CHRNA7: variants seen among roughly 807,000 people sequenced by gnomAD.
The protein encoded by CHRNA7 is cholinergic receptor nicotinic alpha 7 subunit.
In CHRNA7, 17 loss-of-function variants were observed where a neutral mutation model predicts 48.0. The ratio of observed to expected loss-of-function variants is 0.35; its 90% confidence interval spans 0.24 to 0.53. The LOEUF is 0.53. CHRNA7 is among the 20% of genes least tolerant of loss of function. The pLI, the probability that CHRNA7 is intolerant of heterozygous loss-of-function variation, is 0.92. For synonymous variants in CHRNA7, 75 were observed against 242.3 expected (o/e 0.31, Z 6.41); for missense variants, 155 against 577.7 (o/e 0.27, Z 7.50).
intron 4 of CHRNA7, among the ~76,000 whole-genome samples, chr15:32,122,931 T>TAG (rs1555384991): frequency 6.6e-6 from 1 of 150,678 alleles, no homozygotes; most frequent in African/African-American, 2.4e-5. Context: ...AGTAGCCTAG[T>TAG]AGAGGACTAC....
chr15:32,055,836 G>A (rs566842623), intron 2 of CHRNA7, among the ~76,000 whole-genome samples: 3 of 152,168 alleles, frequency 2.0e-5, no homozygotes, highest in East Asian at 3.9e-4. Flanking sequence ...AAAATTAGCC[G>A]GGCGTGGTAG....
intron 2 of CHRNA7, among the ~76,000 whole-genome samples, chr15:32,053,539 G>A (rs1479278815): frequency 6.7e-6 from 1 of 149,912 alleles, no homozygotes; most frequent in East Asian, 1.9e-4. Flanking sequence ...GTATGTACTT[G>A]GGCATATTTA....
At chr15:32,048,271 T>C (rs1403518840) in intron 2 of CHRNA7, among the ~76,000 whole-genome samples, 1 of 152,196 alleles carries the variant, frequency 6.6e-6, no homozygotes, top group Non-Finnish European at 1.5e-5. Flanking sequence ...GTACCTCTGG[T>C]AGAATTCGGC....
At chr15:32,107,926 G>A (rs950284499) in intron 3 of CHRNA7, among the ~76,000 whole-genome samples, 4 of 152,170 alleles carry the variant, frequency 2.6e-5, no homozygotes, top group Admixed American at 6.5e-5. Context: ...AAGGGGCTCT[G>A]TATGAATCAC....
intron 4 of CHRNA7, among the ~76,000 whole-genome samples, chr15:32,151,889 C>T (rs1377779254): frequency 6.6e-6 from 1 of 152,154 alleles, no homozygotes; most frequent in African/African-American, 2.4e-5. Context: ...TGAGAAATCT[C>T]AGACATGGGA....
chr15:32,122,151 G>C (rs547341290), intron 4 of CHRNA7, among the ~76,000 whole-genome samples: 1 of 152,312 alleles, frequency 6.6e-6, no homozygotes, highest in South Asian at 2.1e-4. Flanking sequence ...GTGACAAGTA[G>C]CACATGGCAA....
At chr15:32,136,893 G>T (rs531832734) in intron 4 of CHRNA7, among the ~76,000 whole-genome samples, 1 of 150,228 alleles carries the variant, frequency 6.7e-6, no homozygotes, top group Non-Finnish European at 1.5e-5. Flanking sequence ...TTAGCCGGGC[G>T]TGGTGGCGGG....
intron 4 of CHRNA7, among the ~76,000 whole-genome samples, chr15:32,134,877 A>T (rs1385732886): frequency 2.0e-5 from 3 of 152,270 alleles, no homozygotes; most frequent in Non-Finnish European, 4.4e-5. Context: ...GACACAGTTG[A>T]AGGAGCAGAG....
At chr15:32,098,265 C>T (rs28560326) in intron 2 of CHRNA7, among the ~76,000 whole-genome samples, 2,002 of 152,204 alleles carry the variant, frequency 0.013, 46 homozygotes, top group African/African-American at 0.045. Flanking sequence ...AGGGTCGGGA[C>T]GTGCTTGCCA....
intron 2 of CHRNA7, among the ~76,000 whole-genome samples, chr15:32,078,662 C>CAA (rs71113442): frequency 0.36 from 35,386 of 98,914 alleles, 5,393 homozygotes; most frequent in East Asian, 0.63. Flanking sequence ...GCCTACCAAC[C>CAA]AAAAAAAAAA....
chr15:32,115,207 C>T (rs2050848077), intron 4 of CHRNA7, among the ~76,000 whole-genome samples: 1 of 152,160 alleles, frequency 6.6e-6, no homozygotes, highest in Non-Finnish European at 1.5e-5. Flanking sequence ...CCACAGGGTG[C>T]TCTGGGGACA....
intron 4 of CHRNA7, among the ~76,000 whole-genome samples, chr15:32,127,052 C>T (rs1480049335): frequency 6.6e-6 from 1 of 152,188 alleles, no homozygotes; most frequent in East Asian, 1.9e-4. Context: ...CTTATAGCCA[C>T]ATCCCGCTTG....
chr15:32,089,257 CTATA>C (rs1301293157), intron 2 of CHRNA7, among the ~76,000 whole-genome samples: 2 of 151,990 alleles, frequency 1.3e-5, no homozygotes, highest in Non-Finnish European at 2.9e-5. Flanking sequence ...GGTGATTCAA[CTATA>C]TATGTGTTAT....
chr15:32,093,262 A>G (rs1217821535), intron 2 of CHRNA7, among the ~76,000 whole-genome samples: 1 of 152,156 alleles, frequency 6.6e-6, no homozygotes, highest in Non-Finnish European at 1.5e-5. Context: ...CTTCTCTGTT[A>G]GGGTCTGCTC....
chr15:32,062,658 C>T (rs1288489042), intron 2 of CHRNA7, among the ~76,000 whole-genome samples: 1 of 152,172 alleles, frequency 6.6e-6, no homozygotes, highest in Non-Finnish European at 1.5e-5. Context: ...TTGTCAACAG[C>T]TTTCTGACAT....
intron 4 of CHRNA7, among the ~76,000 whole-genome samples, chr15:32,139,837 A>T (rs559569936): frequency 1.3e-5 from 2 of 152,220 alleles, no homozygotes; most frequent in East Asian, 3.9e-4. Flanking sequence ...TTTGATCAGT[A>T]TATTTTTAAA....
At chr15:32,111,593 A>G (rs2050762911) in intron 3 of CHRNA7, 197 bp from the exon 4 acceptor site, 4 of 533,402 alleles carry the variant, frequency 7.5e-6, no homozygotes, top group Non-Finnish European at 1.3e-5. Flanking sequence ...CAGAACCTTA[A>G]ATGTGAGTTT....
intron 4 of CHRNA7, among the ~76,000 whole-genome samples, chr15:32,152,062 C>G (rs1340543811): frequency 6.6e-6 from 1 of 152,058 alleles, no homozygotes; most frequent in African/African-American, 2.4e-5. Context: ...TTAAGGGTAC[C>G]CAGGGTTGGT....
intron 5 of CHRNA7, among the ~76,000 whole-genome samples, chr15:32,154,745 GCAACC>G (rs2141366961): frequency 7.4e-6 from 1 of 135,790 alleles, no homozygotes; most frequent in South Asian, 2.4e-4. Context: ...CTGCTCAGAG[GCAACC>G]TGCAATTACC....
Sources: gnomAD v4.1 joint callset for allele counts (sites outside exome capture counted in the v4.1 genomes callset) on GRCh38, gnomAD v4.1.1 for gene constraint, MANE v1.5 for transcripts, NCBI Gene and HGNC (gene_info 2026-07-23, HGNC 2026-07-21) for gene names.